Variants in PTPRM observed in about 807,000 individuals in gnomAD.
PTPRM encodes the protein receptor-type tyrosine-protein phosphatase mu.
In PTPRM, 47 loss-of-function variants were observed where a neutral mutation model predicts 186.7. The ratio of observed to expected loss-of-function variants is 0.25; its 90% CI spans 0.20 to 0.32. The LOEUF is 0.32. Among genes scored for constraint, PTPRM ranks in the 10% least tolerant of loss-of-function variants. PTPRM has a pLI of 1.00. For synonymous variants in PTPRM, 668 were observed against 674.9 expected, an observed-to-expected ratio of 0.99 and a Z score of 0.16; for missense variants, 1,494 against 1,865.0, an observed-to-expected ratio of 0.80 and a Z score of 3.66.
At chr18:8,383,841 G>T (rs987237467) in intron 29 of PTPRM, among the ~76,000 whole-genome samples, 3 of 152,200 alleles carry the variant, frequency 2.0e-5, no homozygotes, top group Non-Finnish European at 4.4e-5. Context: ...AGCAGAGCGT[G>T]GAGATCTGGG....
chr18:7,807,610 T>C (rs1317057251), intron 2 of PTPRM, among the ~76,000 whole-genome samples: 8 of 152,220 alleles, frequency 5.3e-5, no homozygotes, highest in Non-Finnish European at 5.9e-5. Flanking sequence ...TGTGATTGCC[T>C]GCATTTCTTT....
intron 7 of PTPRM, among the ~76,000 whole-genome samples, chr18:7,964,372 A>G (rs1192723632): frequency 6.6e-6 from 1 of 152,190 alleles, no homozygotes; most frequent in Non-Finnish European, 1.5e-5. Context: ...TCTGGCACAA[A>G]TAGCTAAAAA....
intron 1 of PTPRM, among the ~76,000 whole-genome samples, chr18:7,773,571 T>G (rs74484420): frequency 8.2e-5 from 1 of 12,142 alleles, no homozygotes; most frequent in African/African-American, 1.4e-3. Flanking sequence ...CTTTTCTTTG[T>G]TTTTTTTTTT....
chr18:7,603,510 A>C (rs903413366), intron 1 of PTPRM, among the ~76,000 whole-genome samples: 1 of 152,186 alleles, frequency 6.6e-6, no homozygotes, highest in Non-Finnish European at 1.5e-5. Context: ...TGCAGGATCC[A>C]TGTGAGGCCA....
chr18:7,867,806 A>G (rs891818752), intron 2 of PTPRM, among the ~76,000 whole-genome samples: 2 of 152,098 alleles, frequency 1.3e-5, no homozygotes, highest in South Asian at 2.1e-4. Context: ...AGTTGGTTCC[A>G]TTCTCCCTGT....
intron 14 of PTPRM, among the ~76,000 whole-genome samples, chr18:8,217,731 C>T (rs1174363671): frequency 1.3e-5 from 2 of 152,148 alleles, no homozygotes; most frequent in African/African-American, 2.4e-5. Context: ...TCAGTATGCC[C>T]AGTGAGGCTT....
chr18:7,589,909 T>C (rs954772471), intron 1 of PTPRM, among the ~76,000 whole-genome samples: 1 of 152,204 alleles, frequency 6.6e-6, no homozygotes. Flanking sequence ...AAGAAGCAGA[T>C]AGAGCTGTAG....
intron 2 of PTPRM, among the ~76,000 whole-genome samples, chr18:7,816,876 G>C (rs1422260473): frequency 1.3e-5 from 2 of 152,132 alleles, no homozygotes; most frequent in Non-Finnish European, 2.9e-5. Context: ...GATATACTCA[G>C]GGCGGATAAA....
chr18:8,265,664 AT>A (rs1056609943), intron 19 of PTPRM, among the ~76,000 whole-genome samples: 14 of 152,040 alleles, frequency 9.2e-5, no homozygotes, highest in African/African-American at 3.1e-4. Context: ...TGAAAAGTCA[AT>A]TTTTTTTCAA....
At chr18:7,823,387 C>G (rs1235099428) in intron 2 of PTPRM, among the ~76,000 whole-genome samples, 1 of 152,216 alleles carries the variant, frequency 6.6e-6, no homozygotes, top group African/African-American at 2.4e-5. Flanking sequence ...TGCCCATGGA[C>G]AGGGGTGCCC....
intron 2 of PTPRM, among the ~76,000 whole-genome samples, chr18:7,830,359 T>C (rs1395323701): frequency 6.6e-6 from 1 of 152,214 alleles, no homozygotes; most frequent in Non-Finnish European, 1.5e-5. Flanking sequence ...TCTCCCTGTG[T>C]ACACATTTAC....
intron 13 of PTPRM, among the ~76,000 whole-genome samples, chr18:8,140,114 C>T (rs753402596): frequency 3.3e-5 from 5 of 152,334 alleles, no homozygotes; most frequent in African/African-American, 4.8e-5. Context: ...CTGCCACTCC[C>T]CTCCCTTTGG....
At chr18:8,181,424 C>T (rs971105962) in intron 14 of PTPRM, among the ~76,000 whole-genome samples, 17 of 152,252 alleles carry the variant, frequency 1.1e-4, no homozygotes, top group East Asian at 3.9e-4. Context: ...CAGAGGGCGG[C>T]GACCTCTGCG....
At chr18:7,802,078 A>C (rs758681419) in intron 2 of PTPRM, among the ~76,000 whole-genome samples, 9 of 152,194 alleles carry the variant, frequency 5.9e-5, no homozygotes, top group Non-Finnish European at 1.3e-4. Context: ...CTTTGGGCAG[A>C]AGAACTTTCT....
chr18:7,894,667 T>C (rs2049263647), intron 3 of PTPRM, among the ~76,000 whole-genome samples: 1 of 152,016 alleles, frequency 6.6e-6, no homozygotes, highest in African/African-American at 2.4e-5. Context: ...TGTAACATTT[T>C]CTTATGTGAA....
At chr18:8,089,925 T>C (rs1323964091) in intron 11 of PTPRM, among the ~76,000 whole-genome samples, 1 of 152,204 alleles carries the variant, frequency 6.6e-6, no homozygotes, top group African/African-American at 2.4e-5. Context: ...ATCTCCAAAA[T>C]GTTTAAAACA....
chr18:7,630,334 A>C (rs936466726), intron 1 of PTPRM, among the ~76,000 whole-genome samples: 1 of 152,110 alleles, frequency 6.6e-6, no homozygotes. Flanking sequence ...GGTGATATAG[A>C]CAAGAGAGCA....
intron 1 of PTPRM, among the ~76,000 whole-genome samples, chr18:7,770,757 C>T (rs1240783482): frequency 6.6e-6 from 1 of 152,168 alleles, no homozygotes; most frequent in East Asian, 1.9e-4. Flanking sequence ...TCTTTCTTTA[C>T]TTGGTTATTT....
intron 1 of PTPRM, among the ~76,000 whole-genome samples, chr18:7,687,734 T>G (rs1031513826): frequency 4.6e-5 from 7 of 152,094 alleles, no homozygotes; most frequent in Non-Finnish European, 1.0e-4. Context: ...TTTTACTACA[T>G]GTACCTTCTA....
Sources: gnomAD v4.1 joint callset for allele counts (sites outside exome capture counted in the v4.1 genomes callset) on GRCh38, gnomAD v4.1.1 for gene constraint, MANE v1.5 for transcripts, NCBI Gene and HGNC (gene_info 2026-07-23, HGNC 2026-07-21) for gene names.